The following MAD1L1 variants were observed in gnomAD, a reference collection of about 807,000 sequenced individuals.
The protein encoded by MAD1L1 is mitotic spindle assembly checkpoint protein MAD1.
Under a neutral mutation model 96.9 loss-of-function variants are expected in MAD1L1, and 95 were observed. The ratio of observed to expected loss-of-function variants is 0.98; its 90% CI spans 0.83 to 1.16. MAD1L1 has a LOEUF of 1.16. MAD1L1 is among the 50% of genes most tolerant of loss of function. The pLI, the probability that MAD1L1 is intolerant of heterozygous loss-of-function variation, is 0.00. For synonymous variants in MAD1L1, 473 were observed against 396.6 expected, an observed-to-expected ratio of 1.19 and a Z score of -2.29; for missense variants, 1,007 against 954.4, an observed-to-expected ratio of 1.06 and a Z score of -0.73.
At chr7:1,988,243 T>C (rs974883893) in intron 14 of MAD1L1, among the ~76,000 whole-genome samples, 3 of 152,134 alleles carry the variant, frequency 2.0e-5, no homozygotes, top group African/African-American at 7.2e-5. Flanking sequence ...ATTCATCCAA[T>C]GGTCACAGAG....
At chr7:2,041,440 A>G (rs1783669811) in intron 12 of MAD1L1, among the ~76,000 whole-genome samples, 1 of 152,184 alleles carries the variant, frequency 6.6e-6, no homozygotes, top group African/African-American at 2.4e-5. Flanking sequence ...GAGTCAGCTC[A>G]TCACATTCAT....
chr7:2,118,214 C>T (rs1200746293), intron 11 of MAD1L1, among the ~76,000 whole-genome samples: 2 of 152,228 alleles, frequency 1.3e-5, no homozygotes, highest in Non-Finnish European at 2.9e-5. Flanking sequence ...GCCTGTCAGA[C>T]CCTCCACTGG....
intron 14 of MAD1L1, among the ~76,000 whole-genome samples, chr7:1,998,481 G>C (rs1584032916): frequency 6.6e-6 from 1 of 152,230 alleles, no homozygotes; most frequent in African/African-American, 2.4e-5. Context: ...ACATGCAGAA[G>C]CATGGCCCCC....
At chr7:2,097,758 G>A (rs1786567788) in intron 11 of MAD1L1, among the ~76,000 whole-genome samples, 1 of 152,236 alleles carries the variant, frequency 6.6e-6, no homozygotes, top group Non-Finnish European at 1.5e-5. Context: ...AGGGAGTGGT[G>A]CTGAGTGGGG....
chr7:1,924,028 G>C (rs1199282376), intron 17 of MAD1L1, among the ~76,000 whole-genome samples: 6 of 152,208 alleles, frequency 3.9e-5, no homozygotes, highest in African/African-American at 1.4e-4. Flanking sequence ...AAAACATCCA[G>C]AATGCAATCT....
chr7:2,120,145 C>A (rs1410041344), intron 11 of MAD1L1, among the ~76,000 whole-genome samples: 3 of 152,230 alleles, frequency 2.0e-5, no homozygotes, highest in Non-Finnish European at 2.9e-5. Flanking sequence ...GGCCACCTCC[C>A]CCTCTCTTGG....
chr7:1,907,772 C>G (rs1326196548), intron 17 of MAD1L1, among the ~76,000 whole-genome samples: 1 of 152,256 alleles, frequency 6.6e-6, no homozygotes, highest in Non-Finnish European at 1.5e-5. Flanking sequence ...ATCCCTGTGT[C>G]GTCAACAACC....
chr7:2,048,108 G>A (rs527562128), intron 12 of MAD1L1, among the ~76,000 whole-genome samples: 10 of 152,284 alleles, frequency 6.6e-5, no homozygotes, highest in African/African-American at 1.4e-4. Context: ...GCACAGACAC[G>A]CACACAGTAA....
chr7:2,223,181 C>G (rs1019903136), intron 4 of MAD1L1, among the ~76,000 whole-genome samples: 3 of 152,216 alleles, frequency 2.0e-5, no homozygotes, highest in Non-Finnish European at 4.4e-5. Flanking sequence ...CCCCAGCGAG[C>G]AGACAACAGG....
chr7:2,212,016 G>A (rs534180733), intron 10 of MAD1L1, among the ~76,000 whole-genome samples: 11 of 152,292 alleles, frequency 7.2e-5, no homozygotes, highest in South Asian at 6.2e-4. Context: ...CAAAAGCATC[G>A]CTCCTGCACC....
intron 14 of MAD1L1, among the ~76,000 whole-genome samples, chr7:1,994,620 G>T (rs985612880): frequency 2.6e-5 from 4 of 152,144 alleles, no homozygotes; most frequent in Non-Finnish European, 5.9e-5. Context: ...CTAGGAGGGA[G>T]CCCGGGGAGG....
At chr7:2,085,942 C>G (rs528764552) in intron 11 of MAD1L1, among the ~76,000 whole-genome samples, 1 of 152,328 alleles carries the variant, frequency 6.6e-6, no homozygotes, top group East Asian at 1.9e-4. Context: ...AGGGCGCCGA[C>G]TGCCCACTCC....
chr7:2,023,123 C>CA (rs1782856200), intron 12 of MAD1L1, among the ~76,000 whole-genome samples: 1 of 152,182 alleles, frequency 6.6e-6, no homozygotes, highest in Non-Finnish European at 1.5e-5. Context: ...CAGAAACGGA[C>CA]AGATCCCGCA....
At position 2,176,909 on chromosome 7, in the gene MAD1L1, C is replaced by T. The variant is rs557740373; in HGVS notation, c.987-27671G>A. On this transcript the variant is annotated intron_variant, in intron 10 of 18. Transcript: ENST00000265854. ...GGCAAGAGCTCCTCTAAAAAACATA[C>T]GCTAGTAATAACTGTTTGCTTGGTG... 3.9e-5 allele frequency among the ~76,000 whole-genome samples: 6 copies of T among 152,280 alleles called. No homozygotes were observed. In the East Asian group the frequency reaches 9.6e-4, roughly 24 times the overall value.
intron 18 of MAD1L1, among the ~76,000 whole-genome samples, chr7:1,865,152 A>T (rs1784719834): frequency 6.6e-6 from 1 of 152,070 alleles, no homozygotes; most frequent in African/African-American, 2.4e-5. Context: ...GACTCCCGGA[A>T]GGGGGCACAT....
rs1026983855 is a variant in MAD1L1 at position 2,101,056 on chromosome 7, G to C, written c.1074-31718C>G. Among the ~76,000 whole-genome samples, 74 of 152,234 alleles carry C rather than the reference G, an allele frequency of 4.9e-4. 3 individuals carry two copies. The highest frequency in any genetic ancestry group is 2.5e-4 in the Non-Finnish European group (17 of 68,032). ...CCACTTTCCCCATCAGCAAGAGGATGGGGGGAGTGCTGCCAATTTGTTTTC... is the reference window on the plus strand; with the variant it reads ...CCACTTTCCCCATCAGCAAGAGGATCGGGGGAGTGCTGCCAATTTGTTTTC... On this transcript the variant is annotated intron_variant, in intron 11 of 18. Coordinates refer to ENST00000265854, the MANE Select transcript of MAD1L1 (RefSeq NM_001013836.2).
At chr7:2,025,990 T>C (rs1387179247) in intron 12 of MAD1L1, among the ~76,000 whole-genome samples, 1 of 152,164 alleles carries the variant, frequency 6.6e-6, no homozygotes, top group Non-Finnish European at 1.5e-5. Context: ...AAATGTATCA[T>C]TAATTACATC....
intron 3 of MAD1L1, among the ~76,000 whole-genome samples, chr7:2,228,817 T>G (rs1034536335): frequency 6.6e-6 from 1 of 151,786 alleles, no homozygotes; most frequent in Non-Finnish European, 1.5e-5. Context: ...CTCAGCTCAC[T>G]GCAAGCTCTG....
chr7:2,139,296 C>G (rs893343130), intron 11 of MAD1L1, among the ~76,000 whole-genome samples: 1 of 152,182 alleles, frequency 6.6e-6, no homozygotes, highest in Non-Finnish European at 1.5e-5. Context: ...CCCGCACCCC[C>G]ACCCCACCCT....
Sources: gnomAD v4.1 joint callset for allele counts (sites outside exome capture counted in the v4.1 genomes callset) on GRCh38, gnomAD v4.1.1 for gene constraint, MANE v1.5 for transcripts, NCBI Gene and HGNC (gene_info 2026-07-23, HGNC 2026-07-21) for gene names.